SLC7A6: variants seen among roughly 807,000 people sequenced by gnomAD.
SLC7A6 encodes solute carrier family 7 member 6.
SLC7A6 carries 29 observed loss-of-function variants against 46.6 expected under a neutral mutation model. The ratio of observed to expected loss-of-function variants is 0.62; its 90% CI spans 0.46 to 0.85. SLC7A6 has a LOEUF of 0.85. Among genes scored for constraint, SLC7A6 ranks in the 40% least tolerant of loss-of-function variants. The pLI is 0.00. For missense variants in SLC7A6, 527 were observed against 647.6 expected (o/e 0.81, Z 2.02); for synonymous variants, 276 against 257.3 (o/e 1.07, Z -0.70).
Position 68,301,573 on chromosome 16 carries a change from C to T in SLC7A6, c.*4245C>T. 1.9e-6 allele frequency: 1 copy of T among 531,380 alleles called. No homozygotes were observed. Among genetic ancestry groups the T allele is most frequent in the Non-Finnish European group, 3.1e-6 (1 of 318,100 alleles). The allele number at this position is 531,380 out of a possible 1,614,324, so 32.9% of individuals were successfully genotyped here. A position where few individuals can be genotyped will look rare whatever the true frequency, so the allele number is the denominator to read the frequency against. ...TCTTTTTTTTTTAAAGAAGGAATCACTTTCCTATCATCTAAACCAAGTTCC... is the reference window on the plus strand; with the variant it reads ...TCTTTTTTTTTTAAAGAAGGAATCATTTTCCTATCATCTAAACCAAGTTCC... On this transcript the variant is annotated 3_prime_UTR_variant, in exon 11 of 11. Coordinates refer to ENST00000219343, the MANE Select transcript of SLC7A6 (RefSeq NM_003983.6).
Position 68,274,672 on chromosome 16 carries a change from T to G in SLC7A6, c.-36-19T>G. The G allele has an allele frequency of 6.2e-7, 1 of 1,600,600 alleles. No homozygotes were observed. Among genetic ancestry groups the G allele is most frequent in the East Asian group, 2.2e-5 (1 of 44,628 alleles). ...CACCAGCTCCTGCCCTAGACTGACA[T>G]ACTTGTATTCTTTGCCAGGCCACAG... On this transcript the variant is annotated intron_variant, in intron 2 of 10. Coordinates refer to ENST00000219343, the MANE Select transcript of SLC7A6 (RefSeq NM_003983.6).
At chr16:68,278,899 G>GC in intron 3 of SLC7A6, among the ~76,000 whole-genome samples, 1 of 152,038 alleles carries the variant, frequency 6.6e-6, no homozygotes, top group East Asian at 1.9e-4. Flanking sequence ...GGGCAGAGGC[G>GC]CCCCCCACCT....
At chr16:68,284,087 C>CA (rs907191639) in intron 3 of SLC7A6, 6 of 153,014 alleles carry the variant, frequency 3.9e-5, no homozygotes, top group African/African-American at 1.5e-4. Flanking sequence ...CGTTGAAGGG[C>CA]GTACTCACTC....
intron 2 of SLC7A6, chr16:68,273,983 A>C (rs1400153113): frequency 6.6e-6 from 1 of 152,106 alleles, no homozygotes; most frequent in Non-Finnish European, 1.5e-5. Context: ...GATGGTCTCG[A>C]TCTCCTGACC....
At chr16:68,284,857 G>GTTTTTTT (rs1285237242) in intron 3 of SLC7A6, among the ~76,000 whole-genome samples, 3 of 30,896 alleles carry the variant, frequency 9.7e-5, no homozygotes, top group Admixed American at 3.1e-4. Context: ...GTATTTTCTC[G>GTTTTTTT]TCTTTTTTTT....
chr16:68,282,574 T>C lies in SLC7A6; in HGVS notation c.524-5172T>C, dbSNP rs563331926. On this transcript the variant is annotated intron_variant, in intron 3 of 10. Transcript: ENST00000219343. ...GGAGAGCATTTCACTCCTGAATGTC[T>C]TGTAGTTGTCCCCTCCCTACCCTGC... 2.0e-5 allele frequency among the ~76,000 whole-genome samples: 3 copies of C among 152,212 alleles called. No individual in the cohort carries two copies. The East Asian group carries it at 5.8e-4, about 29-fold the overall frequency.
chr16:68,277,444 G>T (rs1596979456), intron 3 of SLC7A6, among the ~76,000 whole-genome samples: 1 of 151,420 alleles, frequency 6.6e-6, no homozygotes, highest in South Asian at 2.1e-4. Context: ...GAGTAGCCCG[G>T]ACTACAGTAG....
chr16:68,293,641 C>G (rs532267586), intron 7 of SLC7A6, among the ~76,000 whole-genome samples: 4 of 152,312 alleles, frequency 2.6e-5, no homozygotes, highest in Admixed American at 2.6e-4. Flanking sequence ...TCCCAGCACC[C>G]TCTTCTCACA....
At chr16:68,279,516 A>G (rs148995783) in intron 3 of SLC7A6, among the ~76,000 whole-genome samples, 2 of 152,216 alleles carry the variant, frequency 1.3e-5, no homozygotes, top group African/African-American at 2.4e-5. Flanking sequence ...TGGGGAGTTA[A>G]CTAATTGCTG....
Position 68,300,997 on chromosome 16 carries a change from T to C in SLC7A6, c.*3669T>C. The C allele has an allele frequency of 9.3e-7, 1 of 1,073,962 alleles. No homozygotes were observed. Among genetic ancestry groups the C allele is most frequent in the Non-Finnish European group, 1.1e-6 (1 of 887,722 alleles). 66.5% of individuals were successfully genotyped at this position (1,073,962 alleles called of 1,614,324 possible). ...AGGAAAAATTCCTGGGCCAAGAAGCTAAAGCTAAAGAAACCTTCCTTTTTT... is the reference window on the plus strand; with the variant it reads ...AGGAAAAATTCCTGGGCCAAGAAGCCAAAGCTAAAGAAACCTTCCTTTTTT... On this transcript the variant is annotated 3_prime_UTR_variant, in exon 11 of 11. Coordinates refer to ENST00000219343, the MANE Select transcript of SLC7A6 (RefSeq NM_003983.6).
At position 68,301,082 on chromosome 16, in the gene SLC7A6, C is replaced by A; in HGVS notation, c.*3754C>A. On this transcript the variant is annotated 3_prime_UTR_variant, in exon 11 of 11. Coordinates refer to ENST00000219343, the MANE Select transcript of SLC7A6 (RefSeq NM_003983.6). ...TTTTGATTGAGGCAAAGGGGTCCTA[C>A]TGTAAGTGGAAAAGACTCACTCCCC... 7.8e-7 allele frequency: 1 copy of A among 1,287,130 alleles called. No individual in the cohort carries two copies. The highest frequency in any genetic ancestry group is 3.7e-5 in the Admixed American group (1 of 27,028). 79.7% of individuals were successfully genotyped at this position (1,287,130 alleles called of 1,614,324 possible).
chr16:68,274,436 T>C (rs1474279292), intron 2 of SLC7A6, among the ~76,000 whole-genome samples: 2 of 152,244 alleles, frequency 1.3e-5, no homozygotes, highest in African/African-American at 4.8e-5. Context: ...TATTCTGGGC[T>C]GCAGGACAGG....
rs140262311 is a variant in SLC7A6, at chr16:68,282,913, C to T, written c.524-4833C>T. Among the ~76,000 whole-genome samples the T allele has an allele frequency of 1.5e-3, 225 of 152,318 alleles. 2 individuals carry two copies. Among genetic ancestry groups the T allele is most frequent in the Middle Eastern group, 0.01 (3 of 294 alleles). On this transcript the variant is annotated intron_variant, in intron 3 of 10. Coordinates refer to ENST00000219343, the MANE Select transcript of SLC7A6 (RefSeq NM_003983.6). Reference sequence around the variant, plus strand: ...CATTACAGGTGTGAGCCACTGCGCCCGGCCTTTCTTCCACATTTTTGTTGT... The same window carrying T: ...CATTACAGGTGTGAGCCACTGCGCCTGGCCTTTCTTCCACATTTTTGTTGT...
At chr16:68,295,887 A>G (rs1432935225) in intron 8 of SLC7A6, among the ~76,000 whole-genome samples, 2 of 152,132 alleles carry the variant, frequency 1.3e-5, no homozygotes, top group East Asian at 3.9e-4. Context: ...AGAGAGTTAG[A>G]TTCCATTATT....
chr16:68,290,073 C>T (rs2043017408), intron 4 of SLC7A6: 2 of 251,630 alleles, frequency 7.9e-6, no homozygotes, highest in African/African-American at 4.4e-5. Context: ...ATTGTCACAT[C>T]AGAGGGCGGC....
At chr16:68,265,599 G>C (rs116580887) in intron 1 of SLC7A6, 1 of 152,258 alleles carries the variant, frequency 6.6e-6, no homozygotes, top group South Asian at 2.1e-4. Context: ...AAGGCTGTGA[G>C]TACTTCCTTA....
chr16:68,296,665 C>T lies in SLC7A6; in HGVS notation c.1308C>T (p.Ser436=), dbSNP rs779929192. 17 of 1,614,040 alleles carry T rather than the reference C, an allele frequency of 1.1e-5. No individual in the cohort carries two copies. Among genetic ancestry groups the T allele is most frequent in the African/African-American group, 5.3e-5 (4 of 74,910 alleles). Residue 436 remains serine, a synonymous_variant, in exon 10 of 11, where the codon TCC becomes TCT. Transcript: ENST00000219343. ...VFFPIVFCIC[S]VFLVIVPLFT... Reference sequence around the variant, plus strand: ...TCCCCATCGTGTTCTGCATATGCTCCGTGTTTCTGGTGATAGTGCCCCTCT... The same window carrying T: ...TCCCCATCGTGTTCTGCATATGCTCTGTGTTTCTGGTGATAGTGCCCCTCT...
intron 2 of SLC7A6, among the ~76,000 whole-genome samples, chr16:68,273,260 C>T (rs1318733706): frequency 6.6e-6 from 1 of 152,146 alleles, no homozygotes; most frequent in Non-Finnish European, 1.5e-5. Context: ...CAGATTCGGG[C>T]ACATCACATA....
intron 7 of SLC7A6, among the ~76,000 whole-genome samples, chr16:68,293,983 C>A (rs536060322): frequency 6.6e-6 from 1 of 152,048 alleles, no homozygotes; most frequent in South Asian, 2.1e-4. Context: ...CTGCAACCTC[C>A]GCCTCCTGGA....
Sources: allele counts gnomAD v4.1 joint callset (sites outside exome capture counted in the v4.1 genomes callset), GRCh38; gene constraint gnomAD v4.1.1; transcripts MANE v1.5; gene names NCBI Gene and HGNC (gene_info 2026-07-23, HGNC 2026-07-21).